Variants in ABCB4 observed in about 807,000 individuals in gnomAD.
ABCB4 encodes ATP binding cassette subfamily B member 4.
In ABCB4, 76 loss-of-function variants were observed where a neutral mutation model predicts 145.7. The ratio of observed to expected loss-of-function variants is 0.52; its 90% confidence interval spans 0.43 to 0.63. The LOEUF (loss-of-function observed/expected upper bound fraction) is 0.63, where lower values mean the gene tolerates loss of function less well. Among genes scored for constraint, ABCB4 ranks in the 30% least tolerant of loss-of-function variants. ABCB4 has a pLI of 0.00. For synonymous variants in ABCB4, 517 were observed against 566.8 expected (o/e 0.91, Z 1.25); for missense variants, 1,234 against 1,553.1 (o/e 0.79, Z 3.45).
intron 26 of ABCB4, 75 bp from the exon 27 acceptor site, chr7:87,403,356 AC>A: frequency 7.3e-7 from 1 of 1,362,206 alleles, no homozygotes; most frequent in Non-Finnish European, 1.0e-6. Context: ...TACAAGAAAA[AC>A]ATTTAGAGTC....
At position 87,421,219 on chromosome 7, in the gene ABCB4, C is replaced by G. The variant is rs537731564; in HGVS notation, c.2316+902G>C. ...TTGGGGTAGCCGTGCCGAGGGCACA[C>G]GGGGGAGTGCACATCAGAACTGTTT... On this transcript the variant is annotated intron_variant, in intron 18 of 27. Coordinates refer to ENST00000649586, the MANE Select transcript of ABCB4 (RefSeq NM_000443.4). 2.6e-5 allele frequency among the ~76,000 whole-genome samples: 4 copies of G among 152,234 alleles called. No homozygotes were observed. In the South Asian group the frequency reaches 8.3e-4, roughly 32 times the overall value.
At chr7:87,441,469 G>A (rs1042283713) in intron 12 of ABCB4, among the ~76,000 whole-genome samples, 1 of 151,922 alleles carries the variant, frequency 6.6e-6, no homozygotes, top group Non-Finnish European at 1.5e-5. Context: ...AGAGTCGCAT[G>A]TTCATAATGA....
intron 2 of ABCB4, 94 bp from the exon 3 acceptor site, chr7:87,472,769 T>C: frequency 1.1e-5 from 10 of 925,688 alleles, no homozygotes; most frequent in African/African-American, 1.7e-5. Context: ...ATTCAACTAT[T>C]ATATTTTCAA....
chr7:87,436,375 A>G (rs1434776851), intron 14 of ABCB4, among the ~76,000 whole-genome samples: 1 of 152,098 alleles, frequency 6.6e-6, no homozygotes, highest in African/African-American at 2.4e-5. Context: ...TGGCAGGTTC[A>G]CTTGCAGCCC....
downstream of ABCB4, chr7:87,399,221 T>C (rs1807667769): frequency 6.5e-6 from 1 of 153,038 alleles, no homozygotes; most frequent in Non-Finnish European, 1.5e-5. Context: ...ATGCCTATAA[T>C]CTTAGCACTT....
intron 18 of ABCB4, among the ~76,000 whole-genome samples, chr7:87,421,414 T>C (rs1809420333): frequency 6.6e-6 from 1 of 152,152 alleles, no homozygotes. Flanking sequence ...CTGCACTCCC[T>C]AGCATGCCAG....
At chr7:87,431,769 C>G (rs553568147) in intron 14 of ABCB4, among the ~76,000 whole-genome samples, 1 of 152,284 alleles carries the variant, frequency 6.6e-6, no homozygotes, top group South Asian at 2.1e-4. Context: ...AAGTGGCTAA[C>G]CCCTTCAGTA....
chr7:87,451,543 T>C (rs1216440757), intron 7 of ABCB4, 80 bp downstream of exon 7: 3 of 1,508,082 alleles, frequency 2.0e-6, no homozygotes, highest in Non-Finnish European at 2.8e-6. Context: ...CCTGAACAGG[T>C]ACAAGTACGA....
intron 26 of ABCB4, 101 bp downstream of exon 26, chr7:87,406,187 A>T: frequency 8.0e-7 from 1 of 1,257,740 alleles, no homozygotes; most frequent in Non-Finnish European, 1.2e-6. Context: ...TAATGTTAGT[A>T]AATCAACATA....
At chr7:87,419,899 G>A (rs1248488103) in intron 19 of ABCB4, 99 bp downstream of exon 19, 1 of 1,292,520 alleles carries the variant, frequency 7.7e-7, no homozygotes, top group Non-Finnish European at 1.1e-6. Context: ...ATACCCTGGG[G>A]GGAAAACATG....
chr7:87,450,292 G>C (rs1811626822), intron 7 of ABCB4, among the ~76,000 whole-genome samples, 200 bp from the exon 8 acceptor site: 1 of 152,100 alleles, frequency 6.6e-6, no homozygotes, highest in Admixed American at 6.6e-5. Context: ...CCTGGTGATA[G>C]GCTCCCCAAG....
downstream of ABCB4, among the ~76,000 whole-genome samples, chr7:87,397,240 A>G (rs1457404919): frequency 6.6e-6 from 1 of 152,012 alleles, no homozygotes; most frequent in African/African-American, 2.4e-5. Flanking sequence ...AGTCTGAGTT[A>G]CTTGGGAACC....
chr7:87,435,056 A>T (rs188592130), intron 14 of ABCB4, among the ~76,000 whole-genome samples: 19 of 152,344 alleles, frequency 1.2e-4, no homozygotes, highest in African/African-American at 4.3e-4. Flanking sequence ...AAATAACAGT[A>T]GATATAATAG....
intron 5 of ABCB4, among the ~76,000 whole-genome samples, chr7:87,454,261 T>C (rs45616238): frequency 2.0e-5 from 3 of 152,276 alleles, no homozygotes; most frequent in Non-Finnish European, 4.4e-5. Context: ...AAAATTGGAA[T>C]ATAGATGTTA....
rs773840926 is a variant in ABCB4 at position 87,447,129 on chromosome 7, C to A, written c.910G>T (p.Ala304Ser). 9.3e-6 allele frequency: 15 copies of A among 1,613,840 alleles called. No homozygotes were observed. In the Admixed American group the frequency reaches 2.5e-4, roughly 27 times the overall value. The change falls in exon 9 of 28, where the codon GCC (alanine) becomes TCC (serine). Residue 304 changes from alanine (A) to serine (S), a missense_variant. Around this residue, in one of 7 missense-constraint regions of ABCB4, gnomAD observed 467 missense variants for 632.8 expected, o/e 0.74. Transcript: ENST00000649586. ...TATGATGCATATATTAACAGGAAGGCAATACCCATGGAAATGTTTGCTGAA... is the reference window on the plus strand; with the variant it reads ...TATGATGCATATATTAACAGGAAGGAAATACCCATGGAAATGTTTGCTGAA... The part of the protein sequence containing the change: ...AISANISMGI[A>S]FLLIYASYAL...
In ABCB4 at chr7:87,475,643, C is replaced by T. The variant is rs989262536; in HGVS notation, c.-16G>A. On this transcript the variant is annotated 5_prime_UTR_variant, in exon 1 of 28. Coordinates refer to ENST00000649586, the MANE Select transcript of ABCB4 (RefSeq NM_000443.4). Reference sequence around the variant, plus strand: ...CCCGGACCTCTCTCACCTCGAACCTCGCGCGTGTCTGGCAGGGCCTCTGGA... The same window carrying T: ...CCCGGACCTCTCTCACCTCGAACCTTGCGCGTGTCTGGCAGGGCCTCTGGA... The T allele has an allele frequency of 1.5e-6, 1 of 669,480 alleles. No individual in the cohort carries two copies. Among genetic ancestry groups the T allele is most frequent in the African/African-American group, 1.8e-5 (1 of 56,008 alleles). The allele number at this position is 669,480 out of a possible 1,614,324, so 41.5% of individuals were successfully genotyped here.
intron 14 of ABCB4, among the ~76,000 whole-genome samples, chr7:87,431,814 G>A (rs563654619): frequency 7.2e-5 from 11 of 152,320 alleles, no homozygotes; most frequent in Admixed American, 6.5e-4. Context: ...ACCTATGGTA[G>A]TGTCAGTGTT....
At chr7:87,463,464 AT>A (rs1812605851) in intron 3 of ABCB4, among the ~76,000 whole-genome samples, 1 of 152,242 alleles carries the variant, frequency 6.6e-6, no homozygotes, top group Non-Finnish European at 1.5e-5. Flanking sequence ...AGTCTTGCCT[AT>A]GGAGATCCTT....
intron 16 of ABCB4, among the ~76,000 whole-genome samples, chr7:87,425,612 A>G (rs1809751013): frequency 1.3e-5 from 2 of 152,204 alleles, no homozygotes; most frequent in Admixed American, 6.5e-5. Context: ...TATCAAAACT[A>G]TATCTTGAAA....
Sources: gnomAD v4.1 joint callset for allele counts (sites outside exome capture counted in the v4.1 genomes callset) on GRCh38, gnomAD v4.1.1 for gene constraint, gnomAD v4.1.1 regional missense constraint, MANE v1.5 for transcripts, NCBI Gene and HGNC (gene_info 2026-07-23, HGNC 2026-07-21) for gene names.